The following CERS6 variants were observed in gnomAD, a reference collection of about 807,000 sequenced individuals.
CERS6 encodes the protein ceramide synthase 6, also known as LAG1 homolog, ceramide synthase 6.
In CERS6, 26 loss-of-function variants were observed where a neutral mutation model predicts 56.8. The ratio of observed to expected loss-of-function variants is 0.46; its 90% confidence interval spans 0.34 to 0.63. CERS6 has a LOEUF of 0.63. Ranked by LOEUF, CERS6 falls within the 30% of genes least tolerant of loss-of-function variation. The probability of loss-of-function intolerance (pLI) is 0.01; values close to 1 mark genes in which losing one functional copy is unlikely to be tolerated. For synonymous variants in CERS6, 164 were observed against 173.3 expected, an observed-to-expected ratio of 0.95 and a Z score of 0.42; for missense variants, 415 against 467.5, an observed-to-expected ratio of 0.89 and a Z score of 1.04.
chr2:168,687,626 T>A (rs746948352), intron 4 of CERS6, among the ~76,000 whole-genome samples: 2 of 152,206 alleles, frequency 1.3e-5, no homozygotes, highest in Admixed American at 6.5e-5. Flanking sequence ...GTAAAATACT[T>A]TAAATCTGTG....
At chr2:168,537,462 C>A (rs1437734843) in intron 1 of CERS6, among the ~76,000 whole-genome samples, 1 of 152,056 alleles carries the variant, frequency 6.6e-6, no homozygotes, top group Admixed American at 6.6e-5. Flanking sequence ...GGCTAATTTC[C>A]TCCGGTACAG....
intron 4 of CERS6, among the ~76,000 whole-genome samples, chr2:168,677,182 C>T (rs13000567): frequency 0.38 from 56,934 of 151,306 alleles, 11,847 homozygotes; most frequent in Non-Finnish European, 0.47. Context: ...CCCCCACCCC[C>T]CAACAGGCCC....
At position 168,547,245 on chromosome 2, in the gene CERS6, G is replaced by A. The variant is rs73969248; in HGVS notation, c.171-351G>A. On this transcript the variant is annotated intron_variant, in intron 1 of 9. Coordinates refer to ENST00000305747, the MANE Select transcript of CERS6 (RefSeq NM_203463.3). The stretch of plus-strand genomic sequence containing the variant: ...ACAGTAAAAATATGACTATTGCTCT[G>A]TGTAAGAAGAGTATAAGTTATATTA... Among the ~76,000 whole-genome samples the A allele has an allele frequency of 6.1e-3, 928 of 152,286 alleles. 12 individuals carry two copies. Among genetic ancestry groups the A allele is most frequent in the African/African-American group, 0.021 (865 of 41,556 alleles).
At chr2:168,629,147 ATG>A (rs1474513532) in intron 3 of CERS6, among the ~76,000 whole-genome samples, 5 of 152,218 alleles carry the variant, frequency 3.3e-5, no homozygotes, top group African/African-American at 9.6e-5. Context: ...AATAGAATCT[ATG>A]TGTTATGAAA....
chr2:168,659,850 A>G (rs1194514603), intron 4 of CERS6, among the ~76,000 whole-genome samples: 1 of 152,254 alleles, frequency 6.6e-6, no homozygotes, highest in African/African-American at 2.4e-5. Flanking sequence ...GGAAGAACAC[A>G]TAGATGAAGA....
At chr2:168,679,528 A>G (rs1559049272) in intron 4 of CERS6, among the ~76,000 whole-genome samples, 1 of 152,212 alleles carries the variant, frequency 6.6e-6, no homozygotes, top group Non-Finnish European at 1.5e-5. Context: ...AGAATTTCCC[A>G]TCTTTTCTCT....
intron 1 of CERS6, among the ~76,000 whole-genome samples, chr2:168,509,044 C>T (rs2105349436): frequency 6.6e-6 from 1 of 152,068 alleles, no homozygotes; most frequent in South Asian, 2.1e-4. Flanking sequence ...TTCTCTATTG[C>T]CATAGTTTTT....
At chr2:168,506,432 G>T (rs1412360982) in intron 1 of CERS6, among the ~76,000 whole-genome samples, 2 of 152,156 alleles carry the variant, frequency 1.3e-5, no homozygotes, top group South Asian at 2.1e-4. Flanking sequence ...GTCCAGGTGT[G>T]TCCGACCCAC....
chr2:168,615,554 C>T (rs1180711262), intron 3 of CERS6, among the ~76,000 whole-genome samples: 1 of 151,840 alleles, frequency 6.6e-6, no homozygotes, highest in Non-Finnish European at 1.5e-5. Flanking sequence ...ATACTGGATG[C>T]ACGAAAGAAA....
At chr2:168,588,443 C>A (rs566058180) in intron 3 of CERS6, among the ~76,000 whole-genome samples, 6 of 152,110 alleles carry the variant, frequency 3.9e-5, no homozygotes, top group African/African-American at 1.4e-4. Context: ...CCCTCATAAC[C>A]CCCACTCTAC....
intron 1 of CERS6, among the ~76,000 whole-genome samples, chr2:168,463,598 A>G (rs1374215779): frequency 1.3e-5 from 2 of 152,208 alleles, no homozygotes; most frequent in Admixed American, 6.5e-5. Context: ...ATCAGAATAT[A>G]GATTATTATC....
intron 2 of CERS6, among the ~76,000 whole-genome samples, chr2:168,551,202 TG>T (rs369873214): frequency 3.9e-5 from 6 of 152,356 alleles, no homozygotes; most frequent in African/African-American, 1.2e-4. Flanking sequence ...TTCTCCTTTG[TG>T]AAATTATTAA....
chr2:168,514,299 C>A (rs755562962), intron 1 of CERS6, among the ~76,000 whole-genome samples: 1 of 152,162 alleles, frequency 6.6e-6, no homozygotes, highest in East Asian at 1.9e-4. Context: ...ATGCCAGCCC[C>A]CTTCCTTAGT....
intron 1 of CERS6, among the ~76,000 whole-genome samples, chr2:168,498,386 G>A (rs78844606): frequency 0.051 from 7,759 of 152,140 alleles, 248 homozygotes; most frequent in East Asian, 0.15. Flanking sequence ...CTAAAAGAGG[G>A]TACCACAACC....
intron 8 of CERS6, among the ~76,000 whole-genome samples, chr2:168,763,101 C>A (rs1441382363): frequency 6.6e-6 from 1 of 152,088 alleles, no homozygotes; most frequent in Non-Finnish European, 1.5e-5. Context: ...GTTTCAAACT[C>A]CTGGGCTCAA....
At chr2:168,768,929 A>G (rs1684795858) in intron 9 of CERS6, among the ~76,000 whole-genome samples, 1 of 136,030 alleles carries the variant, frequency 7.4e-6, no homozygotes. Flanking sequence ...AAAAGAAAAG[A>G]AAAAAAAAAT....
chr2:168,608,147 T>C (rs1228356260), intron 3 of CERS6, among the ~76,000 whole-genome samples: 1 of 152,254 alleles, frequency 6.6e-6, no homozygotes, highest in Non-Finnish European at 1.5e-5. Context: ...TCACCCAATA[T>C]GTGGTATTTG....
chr2:168,574,144 A>G (rs1482370584), intron 3 of CERS6, among the ~76,000 whole-genome samples: 1 of 152,170 alleles, frequency 6.6e-6, no homozygotes, highest in Non-Finnish European at 1.5e-5. Flanking sequence ...AACTTGAACT[A>G]ATTTCAGTTC....
intron 6 of CERS6, among the ~76,000 whole-genome samples, chr2:168,698,411 A>G (rs576091567): frequency 5.9e-5 from 9 of 152,282 alleles, no homozygotes; most frequent in East Asian, 3.9e-4. Context: ...ACTTATAATC[A>G]TAGCAGAAGG....
Sources: allele counts gnomAD v4.1 joint callset (sites outside exome capture counted in the v4.1 genomes callset), GRCh38; gene constraint gnomAD v4.1.1; transcripts MANE v1.5; gene names NCBI Gene and HGNC (gene_info 2026-07-23, HGNC 2026-07-21).